The following CSNK1G2 variants were observed in gnomAD, a reference collection of about 807,000 sequenced individuals.
The protein encoded by CSNK1G2 is casein kinase I isoform gamma-2.
In CSNK1G2, 11 loss-of-function variants were observed where a neutral mutation model predicts 48.0. That is an observed-to-expected ratio of 0.23 (90% CI 0.14 to 0.38). The LOEUF (loss-of-function observed/expected upper bound fraction) is 0.38. Ranked by LOEUF, CSNK1G2 falls within the 10% of genes least tolerant of loss-of-function variation. The pLI is 1.00. For synonymous variants in CSNK1G2, 337 were observed against 254.1 expected, an observed-to-expected ratio of 1.33 and a Z score of -3.10; for missense variants, 446 against 595.5, an observed-to-expected ratio of 0.75 and a Z score of 2.61.
Position 1,950,557 on chromosome 19 carries a change from C to T in CSNK1G2, c.-266+9139C>T, listed in dbSNP as rs557104018. 5.4e-5 allele frequency among the ~76,000 whole-genome samples: 8 copies of T among 146,926 alleles called. 1 individual carries two copies. In the East Asian group the frequency reaches 6.3e-4, roughly 12 times the overall value. ...ACCTCAGATTCCAGGAGATGAGCAC[C>T]GTCCGCTTTCCAGAGAAAATTGTCT... On this transcript the variant is annotated intron_variant, in intron 1 of 11. Transcript: ENST00000255641.
At chr19:1,964,926 G>T (rs1024540199) in intron 1 of CSNK1G2, among the ~76,000 whole-genome samples, 1 of 150,994 alleles carries the variant, frequency 6.6e-6, no homozygotes, top group Non-Finnish European at 1.5e-5. Flanking sequence ...CGGGGTTTCA[G>T]CGTATTAGCC....
Position 1,978,182 on chromosome 19 carries a change from T to C in CSNK1G2, c.188-123T>C. On this transcript the variant is annotated intron_variant, in intron 2 of 11. Coordinates refer to ENST00000255641, the MANE Select transcript of CSNK1G2 (RefSeq NM_001319.7). This position sits in a 1 kb window ranked among gnomAD's most constrained non-coding sequence, Gnocchi z 7.3. ...GGGCCCAGGCCCTGCTGCTGGGCAG[T>C]GGTGTCATTTGGAGGGTGGTCCTTC... 14 of 949,218 alleles carry C rather than the reference T, an allele frequency of 1.5e-5. No individual in the cohort carries two copies. The highest frequency in any genetic ancestry group is 2.4e-5 in the Non-Finnish European group (14 of 592,192). 58.8% of individuals were successfully genotyped at this position (949,218 alleles called of 1,614,324 possible). A position where few individuals can be genotyped will look rare whatever the true frequency, so the allele number is the denominator to read the frequency against.
rs1201159962 is a variant in CSNK1G2 at position 1,978,404 on chromosome 19, C to T, written c.229-38C>T. On this transcript the variant is annotated intron_variant, in intron 3 of 11. Transcript: ENST00000255641. This position sits in a 1 kb window ranked among gnomAD's most constrained non-coding sequence, Gnocchi z 7.3. ...GTGCCCCCCAGGGATTTCAGGGCAG[C>T]GACCCGGTCCCCTGGTGACTCGCTC... The T allele has an allele frequency of 1.2e-5, 20 of 1,611,702 alleles. No individual in the cohort carries two copies. The highest frequency in any genetic ancestry group is 3.3e-5 in the South Asian group (3 of 91,036).
chr19:1,960,745 C>T (rs746701220), intron 1 of CSNK1G2, among the ~76,000 whole-genome samples: 17 of 152,112 alleles, frequency 1.1e-4, no homozygotes, highest in Middle Eastern at 3.2e-3. Context: ...AAAAATTAAC[C>T]GGGCATGGTG....
At chr19:1,948,789 G>A (rs62129469) in intron 1 of CSNK1G2, among the ~76,000 whole-genome samples, 66,782 of 151,876 alleles carry the variant, frequency 0.44, 17,835 homozygotes, top group Non-Finnish European at 0.6. Context: ...TCCAGATGCC[G>A]CTGCCGACAG....
rs1441056821 is a variant in CSNK1G2, at chr19:1,949,606, C to T, written c.-266+8188C>T. ...CCCGTGTCCGGTTCCCGTGTGGCTG[C>T]GTGATTCTTCTGTCAGGTGGACTTC... On this transcript the variant is annotated intron_variant, in intron 1 of 11. Transcript: ENST00000255641. Among the ~76,000 whole-genome samples, 6 of 152,220 alleles carry T rather than the reference C, an allele frequency of 3.9e-5. No homozygotes were observed. In the East Asian group the frequency reaches 5.8e-4, roughly 15 times the overall value.
rs1568196286 is a variant in CSNK1G2 at position 1,967,802 on chromosome 19, TC to T, written c.-265-1704del. On this transcript the variant is annotated intron_variant, in intron 1 of 11. Coordinates refer to ENST00000255641, the MANE Select transcript of CSNK1G2 (RefSeq NM_001319.7). Reference sequence around the variant, plus strand: ...GCAGGTGGGGCTCCTCCTTCCTCCCTCCTCCCCAGGCTGCCCCCGACCACCC... The same window carrying T: ...GCAGGTGGGGCTCCTCCTTCCTCCCTCTCCCCAGGCTGCCCCCGACCACCC... Among the ~76,000 whole-genome samples the T allele has an allele frequency of 2.8e-4, 13 of 46,316 alleles. 3 individuals carry two copies. The highest frequency in any genetic ancestry group is 1.5e-3 in the African/African-American group (13 of 8,430). The allele number at this position is 46,316 out of a possible 152,430, so 30.4% of individuals were successfully genotyped here.
intron 1 of CSNK1G2, among the ~76,000 whole-genome samples, chr19:1,946,532 C>T (rs1299592014): frequency 6.6e-6 from 1 of 150,936 alleles, no homozygotes; most frequent in Non-Finnish European, 1.5e-5. Flanking sequence ...ACCTCGTGAT[C>T]TGCCCGCCTC....
At chr19:1,951,087 T>C (rs2014745432) in intron 1 of CSNK1G2, among the ~76,000 whole-genome samples, 1 of 145,276 alleles carries the variant, frequency 6.9e-6, no homozygotes, top group Admixed American at 6.9e-5. Context: ...GGCAACACTT[T>C]CTACCGTTTG....
intron 1 of CSNK1G2, among the ~76,000 whole-genome samples, chr19:1,955,870 G>A (rs1599296014): frequency 2.6e-5 from 4 of 152,340 alleles, no homozygotes; most frequent in South Asian, 4.1e-4. Flanking sequence ...GCACAGGGAG[G>A]CCAGTGCTCA....
At position 1,978,576 on chromosome 19, in the gene CSNK1G2, G is replaced by A. The variant is rs376825133; in HGVS notation, c.299-26G>A. On this transcript the variant is annotated intron_variant, in intron 4 of 11. Coordinates refer to ENST00000255641, the MANE Select transcript of CSNK1G2 (RefSeq NM_001319.7). This position sits in a 1 kb window ranked among gnomAD's most constrained non-coding sequence, Gnocchi z 7.3. ...GGCAGGGAGGGGGCTGCCGCCGCAC[G>A]CCCGTGCGTCTGTCCTCCGCCGCAG... 276 of 1,576,764 alleles carry A rather than the reference G, an allele frequency of 1.8e-4. No homozygotes were observed. Among genetic ancestry groups the A allele is most frequent in the Non-Finnish European group, 2.3e-4 (262 of 1,161,968 alleles).
chr19:1,958,589 C>CGTCCCCCT (rs1275925275), intron 1 of CSNK1G2, among the ~76,000 whole-genome samples: 1 of 110,928 alleles, frequency 9.0e-6, no homozygotes, highest in African/African-American at 3.4e-5. Context: ...TACTGTCCCC[C>CGTCCCCCT]GTCCCCCTGT....
Position 1,980,797 on chromosome 19 carries a change from C to T in CSNK1G2, c.*594C>T, listed in dbSNP as rs535972202. 1.3e-5 allele frequency: 2 copies of T among 152,954 alleles called. No individual in the cohort carries two copies. The highest frequency in any genetic ancestry group is 6.5e-5 in the Admixed American group (1 of 15,322). The allele number at this position is 152,954 out of a possible 1,614,324, so 9.5% of individuals were successfully genotyped here. The stretch of plus-strand genomic sequence containing the variant: ...GGGGTGGGGCCGTGGCTGAAGCCGG[C>T]TCCCCAACCAAAATGCTGCACCAAA... On this transcript the variant is annotated 3_prime_UTR_variant, in exon 12 of 12. Coordinates refer to ENST00000255641, the MANE Select transcript of CSNK1G2 (RefSeq NM_001319.7).
intron 1 of CSNK1G2, among the ~76,000 whole-genome samples, chr19:1,967,820 C>G (rs59789410): frequency 4.9e-4 from 20 of 40,916 alleles, no homozygotes; most frequent in African/African-American, 2.4e-3. Flanking sequence ...AGGCTGCCCC[C>G]GACCACCCTT....
rs754393831 is a variant in CSNK1G2, at chr19:1,978,768, C to T, written c.447+18C>T. ...TCCAGCTGGTGCGCGGCGGGCGGGGCGGGGCGGGGCTCGGAGGGAAGAGGG... is the reference window on the plus strand; with the variant it reads ...TCCAGCTGGTGCGCGGCGGGCGGGGTGGGGCGGGGCTCGGAGGGAAGAGGG... On this transcript the variant is annotated intron_variant, in intron 5 of 11. Transcript: ENST00000255641. The surrounding 1 kb of genome is among the most constrained non-coding windows in gnomAD (Gnocchi z 7.3). 49 of 217,500 alleles carry T rather than the reference C, an allele frequency of 2.3e-4. No individual in the cohort carries two copies. The highest frequency in any genetic ancestry group is 7.3e-4 in the African/African-American group (13 of 17,728). 13.5% of individuals were successfully genotyped at this position (217,500 alleles called of 1,614,324 possible).
At chr19:1,967,008 C>T (rs762354317) in intron 1 of CSNK1G2, among the ~76,000 whole-genome samples, 2 of 151,586 alleles carry the variant, frequency 1.3e-5, no homozygotes, top group Non-Finnish European at 2.9e-5. Flanking sequence ...GTAGCTGGGA[C>T]CACAGGCTTG....
intron 2 of CSNK1G2, among the ~76,000 whole-genome samples, chr19:1,977,749 TCAAAAAAAAAAA>T (rs2015808913): frequency 1.3e-5 from 1 of 75,726 alleles, no homozygotes; most frequent in African/African-American, 5.8e-5. Context: ...CGACACCGTC[TCAAAAAAAAAAA>T]AAAAAAAAAG....
intron 1 of CSNK1G2, among the ~76,000 whole-genome samples, chr19:1,967,312 GCACCCACGGCCCCTCTT>G (rs1203392961): frequency 6.6e-6 from 1 of 152,274 alleles, no homozygotes; most frequent in Admixed American, 6.5e-5. Context: ...CGATGGCTGT[GCACCCACGGCCCCTCTT>G]CACCCGCGGC....
chr19:1,958,981 C>T (rs953750860), intron 1 of CSNK1G2, among the ~76,000 whole-genome samples: 1 of 141,138 alleles, frequency 7.1e-6, no homozygotes, highest in Non-Finnish European at 1.5e-5. Flanking sequence ...CTGAGCGTCC[C>T]TTCCCCAAAT....
Sources: allele counts gnomAD v4.1 joint callset (sites outside exome capture counted in the v4.1 genomes callset), GRCh38; gene constraint gnomAD v4.1.1; non-coding constraint Gnocchi (gnomAD v3.1); transcripts MANE v1.5; gene names NCBI Gene and HGNC (gene_info 2026-07-23, HGNC 2026-07-21).